The following OAF variants were observed in gnomAD, a reference collection of about 807,000 sequenced individuals.
OAF encodes the protein out at first homolog, also known as out at first protein homolog.
Under a neutral mutation model 22.5 loss-of-function variants are expected in OAF, and 13 were observed. The observed-to-expected ratio is 0.58, with a 90% CI of 0.38 to 0.92. The LOEUF is 0.92. Among genes scored for constraint, OAF ranks in the 40% least tolerant of loss-of-function variants. OAF has a pLI of 0.00. For synonymous variants in OAF, 175 were observed against 170.5 expected (o/e 1.03, Z -0.21); for missense variants, 347 against 381.8 (o/e 0.91, Z 0.76).
intron 1 of OAF, among the ~76,000 whole-genome samples, chr11:120,216,501 C>G (rs765980976): frequency 6.6e-6 from 1 of 152,140 alleles, no homozygotes; most frequent in Admixed American, 6.6e-5. Context: ...TACAAGAAGT[C>G]GCCAGATGGA....
rs377006820 is a variant in OAF, at chr11:120,228,939, G to A, written c.619G>A (p.Val207Met). ...GGCGGAGCTGCCTCGCTGCAGGCAG[G>A]TGGGGGACCACGGGAAGCCCTGCGT... ...EQAELPRCRQ[V>M]GDHGKPCVCR... The change falls in exon 4 of 4, where the codon GTG (valine) becomes ATG (methionine). Residue 207 changes from valine to methionine, a missense_variant. By Grantham distance (21) the Val-to-Met change is conservative. Coordinates refer to ENST00000328965, the MANE Select transcript of OAF (RefSeq NM_178507.4). The A allele has an allele frequency of 2.5e-6, 4 of 1,611,594 alleles. No individual in the cohort carries two copies. The highest frequency in any genetic ancestry group is 1.7e-4 in the Middle Eastern group (1 of 6,038).
At position 120,211,219 on chromosome 11, in the gene OAF, C is replaced by G. The variant is rs1938137967; in HGVS notation, c.-61C>G. On this transcript the variant is annotated 5_prime_UTR_variant, in exon 1 of 4. Transcript: ENST00000328965. ...GCCCCCAACTTTGGGCGAAGTTTGCCTGCGCCTCTCCCCGCCCCCACGCGG... is the reference window on the plus strand; with the variant it reads ...GCCCCCAACTTTGGGCGAAGTTTGCGTGCGCCTCTCCCCGCCCCCACGCGG... 2.7e-6 allele frequency: 3 copies of G among 1,122,988 alleles called. No individual in the cohort carries two copies. Among genetic ancestry groups the G allele is most frequent in the Non-Finnish European group, 1.1e-6 (1 of 909,126 alleles). The allele number at this position is 1,122,988 out of a possible 1,614,324, so 69.6% of individuals were successfully genotyped here.
At position 120,229,364 on chromosome 11, in the gene OAF, CGGGCAGAGA is replaced by C; in HGVS notation, c.*226_*234del. On this transcript the variant is annotated 3_prime_UTR_variant, in exon 4 of 4. Transcript: ENST00000328965. ...CCATTCCCACCCTGTGCCTTCCTTG[CGGGCAGAGA>C]GGGAGAGAAGGGCTCCCCAGATCTA... The C allele has an allele frequency of 3.6e-6, 2 of 551,792 alleles. No homozygotes were observed. The highest frequency in any genetic ancestry group is 2.1e-5 in the South Asian group (1 of 47,086). 34.2% of individuals were successfully genotyped at this position (551,792 alleles called of 1,614,324 possible). A position where few individuals can be genotyped will look rare whatever the true frequency, so the allele number is the denominator to read the frequency against.
rs2135099676 is a variant in OAF, at chr11:120,228,873, G to A, written c.553G>A (p.Asp185Asn). 6.4e-7 allele frequency: 1 copy of A among 1,557,202 alleles called. No homozygotes were observed. Among genetic ancestry groups the A allele is most frequent in the Non-Finnish European group, 8.7e-7 (1 of 1,148,998 alleles). The change falls in exon 4 of 4, where the codon GAC becomes AAC. Residue 185 changes from aspartate to asparagine, a missense_variant. By Grantham distance (23) the Asp-to-Asn change is conservative. Transcript: ENST00000328965. ...DVRFWLEQGV[D>N]SSVFEALPKA... is the part of the protein sequence containing the mutation. The stretch of plus-strand genomic sequence containing the variant: ...TCCTTGCCTCTCTCCCCCAGGTGTG[G>A]ACAGTTCTGTGTTCGAGGCTCTGCC...
rs1196263913 is a variant in OAF at position 120,230,065 on chromosome 11, C to T, written c.*923C>T. 6.6e-6 allele frequency: 1 copy of T among 152,220 alleles called. No individual in the cohort carries two copies. Among genetic ancestry groups the T allele is most frequent in the Non-Finnish European group, 1.5e-5 (1 of 68,048 alleles). 9.4% of individuals were successfully genotyped at this position (152,220 alleles called of 1,614,324 possible). ...GAACTTCGAAAGCACCTACTGTGTG[C>T]TCAGCCATTTGAGGAAGGAAGGAGG... On this transcript the variant is annotated 3_prime_UTR_variant, in exon 4 of 4. Coordinates refer to ENST00000328965, the MANE Select transcript of OAF (RefSeq NM_178507.4).
At position 120,229,568 on chromosome 11, in the gene OAF, G is replaced by A. The variant is rs879501972; in HGVS notation, c.*426G>A. 14 of 176,780 alleles carry A rather than the reference G, an allele frequency of 7.9e-5. No individual in the cohort carries two copies. Among genetic ancestry groups the A allele is most frequent in the Admixed American group, 7.0e-4 (13 of 18,602 alleles). The allele number at this position is 176,780 out of a possible 1,614,324, so 11.0% of individuals were successfully genotyped here. A position where few individuals can be genotyped will look rare whatever the true frequency, so the allele number is the denominator to read the frequency against. ...CCCTTCCCCATGCACACATCTGGAA[G>A]GAGCTGGCCCCTCAGTCCCTTCCTA... On this transcript the variant is annotated 3_prime_UTR_variant, in exon 4 of 4. Coordinates refer to ENST00000328965, the MANE Select transcript of OAF (RefSeq NM_178507.4).
intron 1 of OAF, 149 bp downstream of exon 1, chr11:120,211,659 GC>G (rs1386848179): frequency 5.5e-5 from 26 of 468,706 alleles, no homozygotes; most frequent in African/African-American, 5.3e-4. Flanking sequence ...ACACCTCTTT[GC>G]CCACTCCCCA....
chr11:120,227,452 C>T (rs1481472334), intron 3 of OAF, among the ~76,000 whole-genome samples: 1 of 152,234 alleles, frequency 6.6e-6, no homozygotes, highest in South Asian at 2.1e-4. Flanking sequence ...TCCCCTTGTC[C>T]CTGCCCTTAG....
intron 1 of OAF, among the ~76,000 whole-genome samples, chr11:120,212,766 T>C (rs1052101610): frequency 2.2e-4 from 32 of 148,654 alleles, no homozygotes; most frequent in African/African-American, 7.9e-4. Flanking sequence ...GGGGTGAGGC[T>C]TGACCGCTGA....
In OAF at chr11:120,228,857, C is replaced by A; in HGVS notation, c.548-11C>A. The A allele has an allele frequency of 8.5e-7, 1 of 1,173,342 alleles. No homozygotes were observed. Among genetic ancestry groups the A allele is most frequent in the Non-Finnish European group, 1.2e-6 (1 of 855,060 alleles). The allele number at this position is 1,173,342 out of a possible 1,614,324, so 72.7% of individuals were successfully genotyped here. On this transcript the variant is annotated splice_polypyrimidine_tract_variant and intron_variant, in intron 3 of 3. Coordinates refer to ENST00000328965, the MANE Select transcript of OAF (RefSeq NM_178507.4). Reference sequence around the variant, plus strand: ...CTCCCTCCCTCCCTGATCCTTGCCTCTCTCCCCCAGGTGTGGACAGTTCTG... The same window carrying A: ...CTCCCTCCCTCCCTGATCCTTGCCTATCTCCCCCAGGTGTGGACAGTTCTG...
intron 1 of OAF, chr11:120,217,270 G>T (rs1938225294): frequency 6.6e-6 from 1 of 152,226 alleles, no homozygotes; most frequent in Admixed American, 6.5e-5. Context: ...TGGGTGAGGG[G>T]GATGAGTTTG....
intron 1 of OAF, chr11:120,213,777 T>C (rs1409064328): frequency 6.6e-6 from 1 of 152,210 alleles, no homozygotes; most frequent in Non-Finnish European, 1.5e-5. Context: ...ATTTTTCCTA[T>C]AAGAAAAAGA....
chr11:120,222,074 T>G (rs1565342472), intron 1 of OAF, among the ~76,000 whole-genome samples: 1 of 152,134 alleles, frequency 6.6e-6, no homozygotes, highest in Non-Finnish European at 1.5e-5. Context: ...GAGGGGACTT[T>G]CACCCTTCCC....
At chr11:120,218,804 C>T (rs1938243449) in intron 1 of OAF, among the ~76,000 whole-genome samples, 1 of 152,100 alleles carries the variant, frequency 6.6e-6, no homozygotes, top group Non-Finnish European at 1.5e-5. Flanking sequence ...TTCCATTCTC[C>T]TGCAGGCGGG....
intron 1 of OAF, among the ~76,000 whole-genome samples, chr11:120,223,791 T>C (rs984357127): frequency 1.4e-4 from 21 of 152,150 alleles, no homozygotes; most frequent in Middle Eastern, 3.2e-3. Context: ...TAGGCTTCTC[T>C]CCAAAGAGTC....
Position 120,211,475 on chromosome 11 carries a change from G to A in OAF, c.196G>A (p.Gly66Ser), listed in dbSNP as rs747605497. 1 of 1,506,328 alleles carries A rather than the reference G, an allele frequency of 6.6e-7. No individual in the cohort carries two copies. Among genetic ancestry groups the A allele is most frequent in the Non-Finnish European group, 8.9e-7 (1 of 1,122,920 alleles). The allele number at this position is 1,506,328 out of a possible 1,614,324, so 93.3% of individuals were successfully genotyped here. A position where few individuals can be genotyped will look rare whatever the true frequency, so the allele number is the denominator to read the frequency against. ...SISLELRKPDGTLVSFTADFK... is the reference protein window; with the variant it reads ...SISLELRKPDSTLVSFTADFK... ...CAGCCTCGAGCTGCGCAAGCCCGAC[G>A]GCACCCTCGTCTCCTTCACCGCCGA... Residue 66 changes from glycine to serine, a missense_variant, in exon 1 of 4, where the codon GGC (glycine) becomes AGC (serine). By Grantham distance (56) the Gly-to-Ser change is moderately conservative. Transcript: ENST00000328965.
In OAF at chr11:120,230,255, C is replaced by A. The variant is rs1186865934; in HGVS notation, c.*1113C>A. On this transcript the variant is annotated 3_prime_UTR_variant, in exon 4 of 4. Coordinates refer to ENST00000328965, the MANE Select transcript of OAF (RefSeq NM_178507.4). ...CTTCAGATCTGGGCTCGGCTACTTA[C>A]CTGCTGTGCAGCCATGGGTCAAGTT... The A allele has an allele frequency of 1.3e-5, 2 of 152,198 alleles. No homozygotes were observed. The highest frequency in any genetic ancestry group is 2.9e-5 in the Non-Finnish European group (2 of 68,044). 9.4% of individuals were successfully genotyped at this position (152,198 alleles called of 1,614,324 possible). A position where few individuals can be genotyped will look rare whatever the true frequency, so the allele number is the denominator to read the frequency against.
In OAF at chr11:120,229,251, C is replaced by A; in HGVS notation, c.*109C>A. On this transcript the variant is annotated 3_prime_UTR_variant, in exon 4 of 4. Transcript: ENST00000328965. ...CCTTATTTCCCTCCCTCCCCACTCC[C>A]CTGGCCCTAGAGCCTGGGCCCCTCT... 9.8e-7 allele frequency: 1 copy of A among 1,021,520 alleles called. No homozygotes were observed. Among genetic ancestry groups the A allele is most frequent in the Non-Finnish European group, 1.4e-6 (1 of 694,970 alleles). 63.3% of individuals were successfully genotyped at this position (1,021,520 alleles called of 1,614,324 possible). A position where few individuals can be genotyped will look rare whatever the true frequency, so the allele number is the denominator to read the frequency against.
chr11:120,226,411 G>A (rs1318125007), intron 2 of OAF, among the ~76,000 whole-genome samples: 2 of 152,268 alleles, frequency 1.3e-5, no homozygotes, highest in African/African-American at 2.4e-5. Context: ...TGCCCTGGGG[G>A]CCTCCTCGCC....
Sources: gnomAD v4.1 joint callset for allele counts (sites outside exome capture counted in the v4.1 genomes callset) on GRCh38, gnomAD v4.1.1 for gene constraint, MANE v1.5 for transcripts, NCBI Gene and HGNC (gene_info 2026-07-23, HGNC 2026-07-21) for gene names.